HEPACAM2: variants seen among roughly 807,000 people sequenced by gnomAD.
The protein encoded by HEPACAM2 is HEPACAM family member 2.
Under a neutral mutation model 49.6 loss-of-function variants are expected in HEPACAM2, and 49 were observed. The observed-to-expected ratio is 0.99, with a 90% CI of 0.78 to 1.25. The LOEUF (loss-of-function observed/expected upper bound fraction) is 1.25, where lower values mean the gene tolerates loss of function less well. HEPACAM2 is among the 50% of genes most tolerant of loss of function. HEPACAM2 has a pLI of 0.00. For synonymous variants in HEPACAM2, 197 were observed against 202.9 expected (o/e 0.97, Z 0.25); for missense variants, 525 against 557.2 (o/e 0.94, Z 0.58).
upstream of HEPACAM2, among the ~76,000 whole-genome samples, chr7:93,229,356 G>T (rs2116739353): frequency 6.6e-6 from 1 of 152,232 alleles, no homozygotes; most frequent in East Asian, 1.9e-4. Context: ...CACCTCTTTA[G>T]GTCACTACTT....
At chr7:93,202,037 A>C (rs1037272740) in intron 4 of HEPACAM2, among the ~76,000 whole-genome samples, 2 of 142,138 alleles carry the variant, frequency 1.4e-5, no homozygotes, top group South Asian at 2.1e-4. Context: ...AAAACCAAAA[A>C]AAAAAAAAAA....
At chr7:93,224,981 T>C (rs959435076) in intron 1 of HEPACAM2, among the ~76,000 whole-genome samples, 2 of 152,120 alleles carry the variant, frequency 1.3e-5, no homozygotes, top group Non-Finnish European at 2.9e-5. Context: ...ACACTGCCTA[T>C]GGAGAAAAGC....
In HEPACAM2 at chr7:93,215,698, G is replaced by A. The variant is rs748992799; in HGVS notation, c.431-13C>T. The A allele has an allele frequency of 1.0e-5, 16 of 1,605,594 alleles. No homozygotes were observed. The African/African-American group carries it at 1.5e-4, about 15-fold the overall frequency. On this transcript the variant is annotated splice_polypyrimidine_tract_variant and intron_variant, in intron 2 of 9. Coordinates refer to ENST00000394468, the MANE Select transcript of HEPACAM2 (RefSeq NM_001039372.4). ...TTTGTGACAGGATCTGCAATATTAA[G>A]AGAGATATGAATGATTTTTTCTTTT...
At chr7:93,228,248 TTC>T (rs1320385164), upstream of HEPACAM2, among the ~76,000 whole-genome samples, 2 of 152,230 alleles carry the variant, frequency 1.3e-5, no homozygotes, top group Non-Finnish European at 2.9e-5. Flanking sequence ...TTCTGAGATT[TTC>T]TTTGTTGTAT....
In HEPACAM2 at chr7:93,226,348, C is replaced by G; in HGVS notation, c.79+20G>C. On this transcript the variant is annotated intron_variant, in intron 1 of 9. Transcript: ENST00000394468. ...AAAAACCTAACAAACAGCTAAAACA[C>G]AATTCACACAGGGCCTTACCGAAGA... The G allele has an allele frequency of 6.4e-7, 1 of 1,572,294 alleles. No individual in the cohort carries two copies.
Position 93,197,480 on chromosome 7 carries a change from C to T in HEPACAM2, c.1138+5G>A. 6.3e-7 allele frequency: 1 copy of T among 1,577,886 alleles called. No homozygotes were observed. The highest frequency in any genetic ancestry group is 1.2e-5 in the South Asian group (1 of 85,652). The stretch of plus-strand genomic sequence containing the variant: ...TTCAATTTTTTTTTTGTAATTTTAA[C>T]CTACCTTTGTAGGGTTGATATTTTT... On this transcript the variant is annotated splice_donor_5th_base_variant and intron_variant, in intron 5 of 9. Coordinates refer to ENST00000394468, the MANE Select transcript of HEPACAM2 (RefSeq NM_001039372.4).
intron 4 of HEPACAM2, among the ~76,000 whole-genome samples, chr7:93,199,900 G>A (rs79871383): frequency 0.04 from 6,047 of 151,848 alleles, 209 homozygotes; most frequent in African/African-American, 0.094. Context: ...AATTTTCACT[G>A]CAATTTCTTA....
chr7:93,194,828 G>T (rs1191664655), intron 8 of HEPACAM2, among the ~76,000 whole-genome samples: 1 of 150,808 alleles, frequency 6.6e-6, no homozygotes, highest in Non-Finnish European at 1.5e-5. Flanking sequence ...GGAAAACTTG[G>T]TTCTATACAA....
At chr7:93,205,151 C>T (rs1201294673) in intron 4 of HEPACAM2, among the ~76,000 whole-genome samples, 1 of 151,342 alleles carries the variant, frequency 6.6e-6, no homozygotes, top group Non-Finnish European at 1.5e-5. Context: ...CACTTACTAG[C>T]TGTGTGAACT....
upstream of HEPACAM2, among the ~76,000 whole-genome samples, chr7:93,228,274 C>A (rs1330524373): frequency 6.6e-6 from 1 of 151,918 alleles, no homozygotes; most frequent in Non-Finnish European, 1.5e-5. Context: ...AAAATATTCC[C>A]TGTTTCATGA....
At chr7:93,201,665 GAAAC>G (rs1793886424) in intron 4 of HEPACAM2, among the ~76,000 whole-genome samples, 4 of 151,958 alleles carry the variant, frequency 2.6e-5, no homozygotes, top group Admixed American at 2.0e-4. Flanking sequence ...CATTATAGAA[GAAAC>G]AAAGTCCTTC....
Position 93,219,431 on chromosome 7 carries a change from C to G in HEPACAM2, c.100G>C (p.Val34Leu). 1.2e-6 allele frequency: 2 copies of G among 1,613,908 alleles called. No homozygotes were observed. Among genetic ancestry groups the G allele is most frequent in the Non-Finnish European group, 1.7e-6 (2 of 1,179,950 alleles). The stretch of plus-strand genomic sequence containing the variant: ...TGGACAGTGTGTGATGGCACTGTCA[C>G]CTTCAGCCCCGAGCAAGCACCTGTT... ...LLFGACSGLK[V>L]TVPSHTVHGV... Residue 34 changes from valine to leucine, a missense_variant, in exon 2 of 10, where the codon GTG (valine) becomes CTG (leucine). Coordinates refer to ENST00000394468, the MANE Select transcript of HEPACAM2 (RefSeq NM_001039372.4).
rs1211146901 is a variant in HEPACAM2, at chr7:93,215,400, C to A, written c.715+1G>T. 1.2e-6 allele frequency: 2 copies of A among 1,608,840 alleles called. No homozygotes were observed. Among genetic ancestry groups the A allele is most frequent in the African/African-American group, 2.7e-5 (2 of 74,676 alleles). ...CATGAGTTAAAAAAAAATAAACTTA[C>A]AATATATGATGGGCATAATGATATC... On this transcript the variant is annotated splice_donor_variant, in intron 3 of 9. Transcript: ENST00000394468. LOFTEE classifies it high-confidence loss of function.
At position 93,197,381 on chromosome 7, in the gene HEPACAM2, T is replaced by C. The variant is rs756868514; in HGVS notation, c.1155A>G (p.Leu385=). The C allele has an allele frequency of 6.2e-7, 1 of 1,601,334 alleles. No homozygotes were observed. Among genetic ancestry groups the C allele is most frequent in the South Asian group, 1.1e-5 (1 of 88,692 alleles). Residue 385 remains leucine (L), a synonymous_variant, in exon 6 of 10, where the codon CTA becomes CTG. Transcript: ENST00000394468. ...YQPYKVIKQK[L]EGRPETEYRK... ...AGAAACAGATGCATTACCTGCCTTC[T>C]AGTTTCTGTTTTATAACTAAAATCA...
chr7:93,204,346 CTAT>C (rs1793973339), intron 4 of HEPACAM2, among the ~76,000 whole-genome samples: 1 of 151,850 alleles, frequency 6.6e-6, no homozygotes, highest in Admixed American at 6.6e-5. Context: ...ATCTATCTAT[CTAT>C]CTATCTATCT....
chr7:93,225,106 G>A (rs952912379), intron 1 of HEPACAM2, among the ~76,000 whole-genome samples: 2 of 152,006 alleles, frequency 1.3e-5, no homozygotes, highest in Non-Finnish European at 2.9e-5. Flanking sequence ...TAACTAAATT[G>A]TCTCTAAGTT....
At chr7:93,201,558 C>A (rs1793883649) in intron 4 of HEPACAM2, among the ~76,000 whole-genome samples, 1 of 151,932 alleles carries the variant, frequency 6.6e-6, no homozygotes, top group Admixed American at 6.6e-5. Context: ...TAATTAGTTT[C>A]ATATTACAGT....
At chr7:93,228,475 T>C (rs919781068), upstream of HEPACAM2, among the ~76,000 whole-genome samples, 1 of 152,210 alleles carries the variant, frequency 6.6e-6, no homozygotes, top group Middle Eastern at 3.2e-3. Flanking sequence ...GAGTAACTTC[T>C]GATTTCAACA....
chr7:93,210,763 A>G (rs968244145), intron 3 of HEPACAM2, among the ~76,000 whole-genome samples: 1 of 151,890 alleles, frequency 6.6e-6, no homozygotes, highest in Non-Finnish European at 1.5e-5. Context: ...CTCTCAACAT[A>G]TAGAAAAATA....
Sources: allele counts gnomAD v4.1 joint callset (sites outside exome capture counted in the v4.1 genomes callset), GRCh38; gene constraint gnomAD v4.1.1; transcripts MANE v1.5; gene names NCBI Gene and HGNC (gene_info 2026-07-23, HGNC 2026-07-21).